ZSCAN5A: variants seen among roughly 807,000 people sequenced by gnomAD.
ZSCAN5A encodes zinc finger and SCAN domain containing 5A, also known as zinc finger and SCAN domain-containing protein 5A.
Under a neutral mutation model 23.7 loss-of-function variants are expected in ZSCAN5A, and 12 were observed. The ratio of observed to expected loss-of-function variants is 0.51; its 90% confidence interval spans 0.32 to 0.82. The LOEUF (loss-of-function observed/expected upper bound fraction) is 0.82, where lower values mean the gene tolerates loss of function less well. ZSCAN5A is among the 40% of genes least tolerant of loss of function. The probability of loss-of-function intolerance (pLI) is 0.03; values close to 1 mark genes in which losing one functional copy is unlikely to be tolerated. For synonymous variants in ZSCAN5A, 257 were observed against 239.9 expected, an observed-to-expected ratio of 1.07 and a Z score of -0.66; for missense variants, 597 against 617.9, an observed-to-expected ratio of 0.97 and a Z score of 0.36.
chr19:56,308,232 C>T (rs2040823813), intron 2 of ZSCAN5A, among the ~76,000 whole-genome samples: 1 of 152,048 alleles, frequency 6.6e-6, no homozygotes, highest in Non-Finnish European at 1.5e-5. Flanking sequence ...CGGGGTTTCA[C>T]CATGTTGGCC....
At chr19:56,242,640 C>G (rs185450282) in intron 2 of ZSCAN5A, among the ~76,000 whole-genome samples, 511 of 152,288 alleles carry the variant, frequency 3.4e-3, no homozygotes, top group South Asian at 0.013. Flanking sequence ...TTGCTTCCCC[C>G]ACCTGTGGCT....
At chr19:56,299,950 G>C (rs1377388602) in intron 2 of ZSCAN5A, 1 of 152,160 alleles carries the variant, frequency 6.6e-6, no homozygotes. Context: ...TCTATCCAGT[G>C]CAAATCCTAG....
intron 2 of ZSCAN5A, among the ~76,000 whole-genome samples, chr19:56,228,001 T>C (rs997268424): frequency 2.6e-5 from 4 of 152,034 alleles, no homozygotes; most frequent in African/African-American, 7.2e-5. Flanking sequence ...CAGGCTAGTC[T>C]GGAATTCAAG....
chr19:56,294,494 T>C (rs1381799818), intron 2 of ZSCAN5A, among the ~76,000 whole-genome samples: 1 of 152,238 alleles, frequency 6.6e-6, no homozygotes, highest in Non-Finnish European at 1.5e-5. Flanking sequence ...TCAGCATTTT[T>C]TTTTCTGTTT....
At chr19:56,344,933 AAAG>A (rs1326409709) in intron 2 of ZSCAN5A, among the ~76,000 whole-genome samples, 31 of 125,462 alleles carry the variant, frequency 2.5e-4, no homozygotes, top group Middle Eastern at 4.4e-3. Flanking sequence ...AAAAAAAAAA[AAAG>A]AAAAAAAAGA....
rs948981683 is a variant in ZSCAN5A at position 56,351,304 on chromosome 19, T to C, written c.-358+11931A>G. ...CCACTCAACATGGTGATTCCCACCG[T>C]CTTCTCCTTGTTACCACCTGTGCAA... is the stretch of plus-strand genomic sequence containing the variant. On this transcript the variant is annotated intron_variant, in intron 2 of 6. Coordinates refer to the ZSCAN5A transcript ENST00000587340. This position sits in a 1 kb window ranked among gnomAD's most constrained non-coding sequence, Gnocchi z 4.8. 6.6e-6 allele frequency among the ~76,000 whole-genome samples: 1 copy of C among 152,112 alleles called. No individual in the cohort carries two copies. The highest frequency in any genetic ancestry group is 1.5e-5 in the Non-Finnish European group (1 of 68,030).
chr19:56,337,907 T>C (rs1034371354), intron 2 of ZSCAN5A, among the ~76,000 whole-genome samples: 1 of 152,274 alleles, frequency 6.6e-6, no homozygotes, highest in Admixed American at 6.5e-5. Context: ...TTTCTTTTAT[T>C]CTGCAAAGTA....
Position 56,319,930 on chromosome 19 carries a change from A to G in ZSCAN5A, c.-357-3662T>C, listed in dbSNP as rs2041357572. ...AAAATTCATTGAGTTCAACCTGTCC[A>G]TTTTTATTCAAATCGACTTCATTTA... On this transcript the variant is annotated intron_variant, in intron 2 of 6. Transcript: ENST00000587340. 1.9e-5 allele frequency: 25 copies of G among 1,287,320 alleles called. No homozygotes were observed. In the South Asian group the frequency reaches 2.8e-4, roughly 15 times the overall value. 79.7% of individuals were successfully genotyped at this position (1,287,320 alleles called of 1,614,324 possible).
intron 2 of ZSCAN5A, among the ~76,000 whole-genome samples, chr19:56,242,601 A>ATTCT: frequency 6.6e-6 from 1 of 152,068 alleles, no homozygotes; most frequent in Middle Eastern, 3.4e-3. Context: ...CCTCCTGTCA[A>ATTCT]TTCTTTCTTC....
chr19:56,297,018 G>A (rs1046167636), intron 2 of ZSCAN5A, among the ~76,000 whole-genome samples: 28 of 151,882 alleles, frequency 1.8e-4, no homozygotes, highest in South Asian at 2.1e-4. Flanking sequence ...GCAGTGAGCC[G>A]AGATCATGCC....
At chr19:56,285,375 A>G (rs2039028742) in intron 2 of ZSCAN5A, among the ~76,000 whole-genome samples, 1 of 152,188 alleles carries the variant, frequency 6.6e-6, no homozygotes, top group Non-Finnish European at 1.5e-5. Context: ...TCTCACGTGT[A>G]TTCTCCCCAG....
intron 2 of ZSCAN5A, among the ~76,000 whole-genome samples, chr19:56,339,958 C>A (rs879670896): frequency 1.3e-5 from 2 of 152,256 alleles, no homozygotes; most frequent in African/African-American, 4.8e-5. Context: ...CCTGCCCACA[C>A]TGACCCTTCC....
intron 2 of ZSCAN5A, among the ~76,000 whole-genome samples, chr19:56,349,731 A>G (rs1037272323): frequency 7.0e-6 from 1 of 141,954 alleles, no homozygotes; most frequent in Non-Finnish European, 1.5e-5. Flanking sequence ...AAAAAAAAAA[A>G]GTAGAAGATC....
intron 2 of ZSCAN5A, among the ~76,000 whole-genome samples, chr19:56,242,580 T>G (rs2035513325): frequency 6.6e-6 from 1 of 152,146 alleles, no homozygotes; most frequent in Non-Finnish European, 1.5e-5. Flanking sequence ...TCCAGTGACC[T>G]TTCCCGAGAC....
upstream of ZSCAN5A, chr19:56,317,241 T>C (rs909640382): frequency 6.6e-6 from 1 of 152,252 alleles, no homozygotes; most frequent in African/African-American, 2.4e-5. Flanking sequence ...GAGCCCACGA[T>C]GGAGAAGATC....
intron 2 of ZSCAN5A, among the ~76,000 whole-genome samples, chr19:56,340,291 C>T (rs769645072): frequency 6.6e-6 from 1 of 152,180 alleles, no homozygotes; most frequent in Non-Finnish European, 1.5e-5. Context: ...AGCAAAATGT[C>T]TCTCAAGGCA....
chr19:56,252,709 A>G (rs1001611030), intron 2 of ZSCAN5A, among the ~76,000 whole-genome samples: 8 of 152,246 alleles, frequency 5.3e-5, no homozygotes, highest in Non-Finnish European at 1.0e-4. Context: ...GCAAGTCAAA[A>G]GTGGAGGTAT....
At chr19:56,296,771 T>C (rs1191124138) in intron 2 of ZSCAN5A, among the ~76,000 whole-genome samples, 1 of 151,988 alleles carries the variant, frequency 6.6e-6, no homozygotes, top group East Asian at 1.9e-4. Flanking sequence ...TGGTGGCTCA[T>C]GCCTGTAATC....
chr19:56,320,934 G>T, intron 2 of ZSCAN5A: 1 of 752,612 alleles, frequency 1.3e-6, no homozygotes, highest in Non-Finnish European at 2.5e-6. Flanking sequence ...GTTCTACTTG[G>T]TCCTGCTTTC....
Sources: allele counts gnomAD v4.1 joint callset (sites outside exome capture counted in the v4.1 genomes callset), GRCh38; gene constraint gnomAD v4.1.1; non-coding constraint Gnocchi (gnomAD v3.1); transcripts MANE v1.5; gene names NCBI Gene and HGNC (gene_info 2026-07-23, HGNC 2026-07-21).